The following BCAR1 variants were observed in gnomAD, a reference collection of about 807,000 sequenced individuals.
BCAR1 encodes breast cancer anti-estrogen resistance protein 1.
Under a neutral mutation model 67.6 loss-of-function variants are expected in BCAR1, and 30 were observed. The observed-to-expected ratio is 0.44, with a 90% confidence interval of 0.33 to 0.60. The LOEUF (loss-of-function observed/expected upper bound fraction) is 0.60. Ranked by LOEUF, BCAR1 falls within the 20% of genes least tolerant of loss-of-function variation. The pLI is 0.02. For synonymous variants in BCAR1, 626 were observed against 556.7 expected (o/e 1.12, Z -1.75); for missense variants, 1,313 against 1,222.3 (o/e 1.07, Z -1.11).
intron 1 of BCAR1, chr16:75,264,537 T>C (rs1341462303): frequency 1.4e-6 from 2 of 1,396,462 alleles, no homozygotes; most frequent in Non-Finnish European, 9.3e-7. Context: ...GAGACGATTA[T>C]GCTCTGAACC....
intron 6 of BCAR1, among the ~76,000 whole-genome samples, chr16:75,231,384 C>T (rs1345649056): frequency 3.9e-5 from 6 of 152,158 alleles, no homozygotes; most frequent in Non-Finnish European, 8.8e-5. Flanking sequence ...TGCACCCAGC[C>T]CTTTTTATTC....
At chr16:75,258,332 G>A (rs577398197) in intron 1 of BCAR1, among the ~76,000 whole-genome samples, 3 of 152,304 alleles carry the variant, frequency 2.0e-5, no homozygotes, top group Non-Finnish European at 2.9e-5. Flanking sequence ...AGATCCACCC[G>A]CCAACACTGG....
In BCAR1 at chr16:75,229,721, C is replaced by T. The variant is rs753724465; in HGVS notation, c.2403G>A (p.Arg801=). The T allele has an allele frequency of 6.2e-6, 10 of 1,613,162 alleles. No individual in the cohort carries two copies. Among genetic ancestry groups the T allele is most frequent in the Non-Finnish European group, 8.5e-6 (10 of 1,179,898 alleles). The change falls in exon 7 of 7, where the codon CGG becomes CGA. Residue 801 remains arginine, a synonymous_variant. Coordinates refer to ENST00000162330, the MANE Select transcript of BCAR1 (RefSeq NM_014567.5). The stretch of plus-strand genomic sequence containing the variant: ...TGCGCACGTCAGCAGCCTTGGCCTG[C>T]CGTGACAGTGTGTCCCCGATGAACA... ...KLVFIGDTLS[R]QAKAADVRSQ...
At chr16:75,267,229 G>T (rs1037463103) in intron 1 of BCAR1, among the ~76,000 whole-genome samples, 1 of 152,210 alleles carries the variant, frequency 6.6e-6, no homozygotes, top group African/African-American at 2.4e-5. Flanking sequence ...TCCCACGAGA[G>T]ACCCAAGTCC....
rs761707534 is a variant in BCAR1 at position 75,235,591 on chromosome 16, G to T, written c.1308C>A (p.Arg436=). ...RLSASSTGST[R]SSQSASSLEV... is the part of the protein sequence containing the mutation. Reference sequence around the variant, plus strand: ...CCAAGGAGGACGCAGACTGGCTGCTGCGTGTGCTGCCGGTGCTGGAGGCCG... The same window carrying T: ...CCAAGGAGGACGCAGACTGGCTGCTTCGTGTGCTGCCGGTGCTGGAGGCCG... Residue 436 remains arginine (R), a synonymous_variant, in exon 5 of 7, where the codon CGC becomes CGA. Transcript: ENST00000162330. 1 of 1,591,078 alleles carries T rather than the reference G, an allele frequency of 6.3e-7. No individual in the cohort carries two copies. Among genetic ancestry groups the T allele is most frequent in the South Asian group, 1.1e-5 (1 of 88,714 alleles).
At chr16:75,234,842 G>C in intron 5 of BCAR1, 47 bp downstream of exon 5, 1 of 1,514,210 alleles carries the variant, frequency 6.6e-7, no homozygotes, top group Non-Finnish European at 8.8e-7. Context: ...AAGCACAGGA[G>C]CCCAGCGTGG....
chr16:75,263,850 T>A, intron 1 of BCAR1: 1 of 992,700 alleles, frequency 1.0e-6, no homozygotes, highest in Non-Finnish European at 1.2e-6. Flanking sequence ...CCTCAGCACA[T>A]GAAAGCAATT....
At position 75,251,461 on chromosome 16, in the gene BCAR1, G is replaced by T; in HGVS notation, c.12+10C>A. 2 of 1,453,782 alleles carry T rather than the reference G, an allele frequency of 1.4e-6. No homozygotes were observed. Among genetic ancestry groups the T allele is most frequent in the Non-Finnish European group, 1.8e-6 (2 of 1,102,978 alleles). The allele number at this position is 1,453,782 out of a possible 1,614,324, so 90.1% of individuals were successfully genotyped here. ...CCCGTACGCGGCCCGGCCCCACCTG[G>T]CGCCCTCACCAGGTGGTTCATGGTG... is the stretch of plus-strand genomic sequence containing the variant. On this transcript the variant is annotated intron_variant, in intron 1 of 6. Transcript: ENST00000162330.
chr16:75,264,688 C>T (rs1292055683), intron 1 of BCAR1: 7 of 1,235,706 alleles, frequency 5.7e-6, no homozygotes, highest in Admixed American at 3.8e-5. Flanking sequence ...GCCAGCTTCC[C>T]TCTGGTCATC....
At chr16:75,243,559 TC>T (rs2151438217) in intron 1 of BCAR1, 1 of 470,272 alleles carries the variant, frequency 2.1e-6, no homozygotes, top group South Asian at 1.5e-5. Context: ...AGACAGAGCT[TC>T]CTTAACAAAG....
At chr16:75,236,707 G>A (rs1333391270) in intron 4 of BCAR1, 175 bp downstream of exon 4, 2 of 1,259,764 alleles carry the variant, frequency 1.6e-6, no homozygotes, top group African/African-American at 3.1e-5. Context: ...AGAACCTGAG[G>A]CTCAGAAGAC....
rs1262348019 is a variant in BCAR1, at chr16:75,229,328, A to G, written c.*183T>C. ...GGCCCCTGGGCTTCGGCTCCTGAGG[A>G]GGCATGGCCCCACACCCTGCCCGGC... On this transcript the variant is annotated 3_prime_UTR_variant, in exon 7 of 7. Coordinates refer to ENST00000162330, the MANE Select transcript of BCAR1 (RefSeq NM_014567.5). 2 of 1,007,464 alleles carry G rather than the reference A, an allele frequency of 2.0e-6. No individual in the cohort carries two copies. The highest frequency in any genetic ancestry group is 6.5e-5 in the Admixed American group (2 of 30,670). The allele number at this position is 1,007,464 out of a possible 1,614,324, so 62.4% of individuals were successfully genotyped here.
At chr16:75,248,475 T>G in intron 1 of BCAR1, 3 of 574,380 alleles carry the variant, frequency 5.2e-6, no homozygotes, top group Non-Finnish European at 7.2e-6. Flanking sequence ...GGGACCCACC[T>G]GGAGGGGTCC....
intron 1 of BCAR1, 94 bp downstream of exon 1, chr16:75,251,368 CCAGGCCCCG>C: frequency 7.0e-7 from 1 of 1,424,954 alleles, no homozygotes; most frequent in East Asian, 3.2e-5. Context: ...CCGGCGGTTC[CCAGGCCCCG>C]CAGGTCCGGC....
chr16:75,258,301 C>T (rs1445806202), intron 1 of BCAR1, among the ~76,000 whole-genome samples: 1 of 152,228 alleles, frequency 6.6e-6, no homozygotes, highest in Non-Finnish European at 1.5e-5. Flanking sequence ...CAAAATCTTT[C>T]CTTGGAGTTC....
At chr16:75,233,493 C>T (rs900317267) in intron 6 of BCAR1, among the ~76,000 whole-genome samples, 9 of 152,178 alleles carry the variant, frequency 5.9e-5, no homozygotes, top group East Asian at 5.8e-4. Context: ...ACAGAAGAGT[C>T]GAATGCCCAC....
upstream of BCAR1, among the ~76,000 whole-genome samples, chr16:75,252,895 T>C (rs1335620314): frequency 6.6e-6 from 1 of 152,136 alleles, no homozygotes; most frequent in African/African-American, 2.4e-5. Context: ...GATTTGCTGC[T>C]CAGGTGCTCT....
At chr16:75,254,330 C>T (rs2077735387), upstream of BCAR1, among the ~76,000 whole-genome samples, 1 of 152,186 alleles carries the variant, frequency 6.6e-6, no homozygotes, top group Admixed American at 6.5e-5. Context: ...CAACTGAGAC[C>T]TAAGCACCTT....
Position 75,251,501 on chromosome 16 carries a change from G to T in BCAR1, c.-19C>A, listed in dbSNP as rs868189976. 3 of 1,350,810 alleles carry T rather than the reference G, an allele frequency of 2.2e-6. No individual in the cohort carries two copies. Among genetic ancestry groups the T allele is most frequent in the Non-Finnish European group, 2.9e-6 (3 of 1,048,352 alleles). 83.7% of individuals were successfully genotyped at this position (1,350,810 alleles called of 1,614,324 possible). Reference sequence around the variant, plus strand: ...GGTTCATGGTGTCCGGCGGGCCTGGGGCCCCGGCTCTCGCGGGGGCGCACA... The same window carrying T: ...GGTTCATGGTGTCCGGCGGGCCTGGTGCCCCGGCTCTCGCGGGGGCGCACA... On this transcript the variant is annotated 5_prime_UTR_variant, in exon 1 of 7. Transcript: ENST00000162330.
Sources: allele counts gnomAD v4.1 joint callset (sites outside exome capture counted in the v4.1 genomes callset), GRCh38; gene constraint gnomAD v4.1.1; transcripts MANE v1.5; gene names NCBI Gene and HGNC (gene_info 2026-07-23, HGNC 2026-07-21).